LOXL4: variants seen among roughly 807,000 people sequenced by gnomAD.
The protein encoded by LOXL4 is lysyl oxidase homolog 4.
LOXL4 carries 72 observed loss-of-function variants against 89.1 expected under a neutral mutation model. The ratio of observed to expected loss-of-function variants is 0.81; its 90% CI spans 0.67 to 0.98. LOXL4 has a LOEUF of 0.98. LOXL4 is among the 50% of genes least tolerant of loss of function. The probability of loss-of-function intolerance (pLI) is 0.00; values close to 1 mark genes in which losing one functional copy is unlikely to be tolerated. For missense variants in LOXL4, 984 were observed against 1,017.5 expected (o/e 0.97, Z 0.45); for synonymous variants, 355 against 392.1 (o/e 0.91, Z 1.12).
chr10:98,248,908 T>C lies in LOXL4; in HGVS notation c.*13A>G, dbSNP rs1272317390. 6.2e-7 allele frequency: 1 copy of C among 1,609,922 alleles called. No individual in the cohort carries two copies. Among genetic ancestry groups the C allele is most frequent in the Non-Finnish European group, 8.5e-7 (1 of 1,177,118 alleles). On this transcript the variant is annotated 3_prime_UTR_variant, in exon 15 of 15. Coordinates refer to ENST00000260702, the MANE Select transcript of LOXL4 (RefSeq NM_032211.7). Reference sequence around the variant, plus strand: ...GGTGTATCGGCAGCAGCTAGGAGTGTGCAGTGACAGCTTCAGATGAGGTTG... The same window carrying C: ...GGTGTATCGGCAGCAGCTAGGAGTGCGCAGTGACAGCTTCAGATGAGGTTG...
chr10:98,258,097 C>A lies in LOXL4; in HGVS notation c.989G>T (p.Arg330Leu). 6.2e-7 allele frequency: 1 copy of A among 1,613,596 alleles called. No individual in the cohort carries two copies. The highest frequency in any genetic ancestry group is 2.2e-5 in the East Asian group (1 of 44,882). ...GEGRVEVLMN[R>L]QWGTVCDHRW... ...GTGGTCACAGACCGTGCCCCACTGG[C>A]GGTTCATGAGCACTTCCACCCGGCC... is the stretch of plus-strand genomic sequence containing the variant. Residue 330 changes from arginine to leucine, a missense_variant, in exon 7 of 15, where the codon CGC becomes CTC. Coordinates refer to ENST00000260702, the MANE Select transcript of LOXL4 (RefSeq NM_032211.7).
chr10:98,261,672 C>A (rs1409825685), intron 3 of LOXL4, among the ~76,000 whole-genome samples: 1 of 152,268 alleles, frequency 6.6e-6, no homozygotes, highest in African/African-American at 2.4e-5. Flanking sequence ...CTGCCCTGCC[C>A]GCTCCTGTTG....
intron 4 of LOXL4, among the ~76,000 whole-genome samples, chr10:98,260,008 C>T (rs1245710972): frequency 2.6e-5 from 4 of 152,314 alleles, no homozygotes; most frequent in Middle Eastern, 3.4e-3. Flanking sequence ...CAGGATCAAA[C>T]TGATTGGGGT....
At chr10:98,259,582 G>T (rs1331054577) in intron 4 of LOXL4, among the ~76,000 whole-genome samples, 153 bp from the exon 5 acceptor site, 1 of 152,214 alleles carries the variant, frequency 6.6e-6, no homozygotes, top group Non-Finnish European at 1.5e-5. Context: ...CTTCACAGCA[G>T]CCCTGACGGG....
chr10:98,255,456 G>T (rs1375436938), intron 10 of LOXL4, 121 bp downstream of exon 10: 4 of 1,133,886 alleles, frequency 3.5e-6, no homozygotes, highest in Non-Finnish European at 4.9e-6. Flanking sequence ...GGAAATGGCA[G>T]AGCTGGTACT....
In LOXL4 at chr10:98,259,162, G is replaced by C. The variant is rs749708935; in HGVS notation, c.768C>G (p.Pro256=). ...IHQVTCLGTE[P]HMANCQVQVA... ...CCTGCACCTGGCAGTTGGCCATGTG[G>C]GGCTCTGTCCCCAGGCAGGTGACCT... The change falls in exon 6 of 15, where the codon CCC becomes CCG. Residue 256 remains proline, a synonymous_variant. Coordinates refer to ENST00000260702, the MANE Select transcript of LOXL4 (RefSeq NM_032211.7). 3.7e-6 allele frequency: 6 copies of C among 1,612,286 alleles called. No individual in the cohort carries two copies. In the South Asian group the frequency reaches 6.6e-5, roughly 18 times the overall value.
chr10:98,266,381 C>T (rs1449214516), intron 1 of LOXL4, among the ~76,000 whole-genome samples: 2 of 152,230 alleles, frequency 1.3e-5, no homozygotes, highest in East Asian at 3.9e-4. Flanking sequence ...ATCCGACATG[C>T]TCTGATGGGG....
intron 6 of LOXL4, among the ~76,000 whole-genome samples, chr10:98,258,628 A>G (rs1045387761): frequency 6.6e-6 from 1 of 151,972 alleles, no homozygotes; most frequent in Non-Finnish European, 1.5e-5. Context: ...GTACCACCTC[A>G]TGAGGGCATC....
chr10:98,253,916 A>C, intron 10 of LOXL4, 120 bp from the exon 11 acceptor site: 1 of 1,296,522 alleles, frequency 7.7e-7, no homozygotes, highest in African/African-American at 1.5e-5. Context: ...CCACAAAAGA[A>C]GGGCAGTTTT....
chr10:98,258,114 C>G lies in LOXL4; in HGVS notation c.972G>C (p.Val324=). 1 of 1,613,350 alleles carries G rather than the reference C, an allele frequency of 6.2e-7. No individual in the cohort carries two copies. Among genetic ancestry groups the G allele is most frequent in the Middle Eastern group, 1.7e-4 (1 of 6,058 alleles). ...RSGAQVGEGR[V]EVLMNRQWGT... ...CCCACTGGCGGTTCATGAGCACTTC[C>G]ACCCGGCCCTCGCCCACCTGGGCCC... is the stretch of plus-strand genomic sequence containing the variant. Residue 324 remains valine, a synonymous_variant, in exon 7 of 15, where the codon GTG becomes GTC. Transcript: ENST00000260702.
chr10:98,261,200 G>T, intron 3 of LOXL4, 73 bp from the exon 4 acceptor site: 1 of 1,509,406 alleles, frequency 6.6e-7, no homozygotes, highest in Non-Finnish European at 9.1e-7. Flanking sequence ...AGATCTTCAT[G>T]CAGAAAGGCT....
intron 14 of LOXL4, among the ~76,000 whole-genome samples, chr10:98,250,718 TTC>T (rs1858166551): frequency 6.6e-6 from 1 of 152,124 alleles, no homozygotes; most frequent in Non-Finnish European, 1.5e-5. Flanking sequence ...TAACCCTAAC[TTC>T]TATATGAAAG....
chr10:98,249,055 T>G (rs2135819820), intron 14 of LOXL4, 64 bp from the exon 15 acceptor site: 2 of 1,285,460 alleles, frequency 1.6e-6, no homozygotes, highest in East Asian at 2.3e-5. Flanking sequence ...CCCTGACAAC[T>G]TACATAGATC....
In LOXL4 at chr10:98,267,874, C is replaced by T. The variant is rs889102591; in HGVS notation, c.-33+258G>A. On this transcript the variant is annotated intron_variant, in intron 1 of 14. Transcript: ENST00000260702. ...ACACGGCGTGTACACAAACAAGACA[C>T]GCAGGCACCCCTGAGGCCTGGGCGC... is the stretch of plus-strand genomic sequence containing the variant. Among the ~76,000 whole-genome samples the T allele has an allele frequency of 5.9e-5, 9 of 152,290 alleles. No individual in the cohort carries two copies. The East Asian group carries it at 9.7e-4, about 16-fold the overall frequency.
Position 98,251,712 on chromosome 10 carries a change from A to T in LOXL4, c.1952-10T>A, listed in dbSNP as rs199628475. The T allele has an allele frequency of 3.1e-6, 5 of 1,613,956 alleles. No homozygotes were observed. The Admixed American group carries it at 8.3e-5, about 27-fold the overall frequency. On this transcript the variant is annotated splice_polypyrimidine_tract_variant and intron_variant, in intron 12 of 14. Coordinates refer to ENST00000260702, the MANE Select transcript of LOXL4 (RefSeq NM_032211.7). ...TAGCGCCGCTGCAGTCCTGTAAGGA[A>T]GGGGACAGACAGGTTTTGAGGCAGG...
At chr10:98,263,761 T>A (rs902652019) in intron 1 of LOXL4, among the ~76,000 whole-genome samples, 3 of 148,866 alleles carry the variant, frequency 2.0e-5, no homozygotes, top group Non-Finnish European at 3.0e-5. Flanking sequence ...AGACAGAGTC[T>A]CTCTCTGTCG....
Position 98,255,628 on chromosome 10 carries a change from G to T in LOXL4, c.1540C>A (p.His514Asn). 1 of 1,613,342 alleles carries T rather than the reference G, an allele frequency of 6.2e-7. No individual in the cohort carries two copies. Among genetic ancestry groups the T allele is most frequent in the Non-Finnish European group, 8.5e-7 (1 of 1,179,470 alleles). The stretch of plus-strand genomic sequence containing the variant: ...AAGCGCCCGCCACCGTGGGAGCAGT[G>T]CACCGGCCCGTGCCTCTGGCACTGC... ...LQQCQRHGPV[H>N]CSHGGGRFLA... The change falls in exon 10 of 15, where the codon CAC (histidine) becomes AAC (asparagine). Residue 514 changes from histidine (H) to asparagine (N), a missense_variant. Coordinates refer to ENST00000260702, the MANE Select transcript of LOXL4 (RefSeq NM_032211.7).
Position 98,262,786 on chromosome 10 carries a change from A to G in LOXL4, c.234T>C (p.Ala78=). 1 of 1,613,418 alleles carries G rather than the reference A, an allele frequency of 6.2e-7. No homozygotes were observed. The highest frequency in any genetic ancestry group is 8.5e-7 in the Non-Finnish European group (1 of 1,180,032). The part of the protein sequence containing the change: ...TVACRQLGFE[A]ALTWAHSAKY... ...TGGCACTGTGGGCCCAGGTCAAGGC[A>G]GCTTCGAAGCCCAGCTGGCGGCAAG... Residue 78 remains alanine (A), a synonymous_variant, in exon 2 of 15, where the codon GCT becomes GCC. Coordinates refer to ENST00000260702, the MANE Select transcript of LOXL4 (RefSeq NM_032211.7).
chr10:98,263,458 G>A (rs1858602698), intron 1 of LOXL4, among the ~76,000 whole-genome samples: 1 of 152,152 alleles, frequency 6.6e-6, no homozygotes, highest in Admixed American at 6.5e-5. Context: ...AGGCAGACGA[G>A]GTGGTCCACC....
Sources: allele counts gnomAD v4.1 joint callset (sites outside exome capture counted in the v4.1 genomes callset), GRCh38; gene constraint gnomAD v4.1.1; transcripts MANE v1.5; gene names NCBI Gene and HGNC (gene_info 2026-07-23, HGNC 2026-07-21).